Variants in UNC13A observed in about 807,000 individuals in gnomAD.
UNC13A encodes unc-13 homolog A.
UNC13A carries 61 observed loss-of-function variants against 219.7 expected under a neutral mutation model. That is an observed-to-expected ratio of 0.28 (90% CI 0.23 to 0.34). UNC13A has a LOEUF of 0.34. Among genes scored for constraint, UNC13A ranks in the 10% least tolerant of loss-of-function variants. The pLI, the probability that UNC13A is intolerant of heterozygous loss-of-function variation, is 1.00. For missense variants in UNC13A, 1,476 were observed against 2,270.3 expected (o/e 0.65, Z 7.11); for synonymous variants, 920 against 884.6 (o/e 1.04, Z -0.71).
chr19:17,653,821 C>CT lies in UNC13A; in HGVS notation c.1393-1145dup, dbSNP rs57243215. 1.8e-3 allele frequency among the ~76,000 whole-genome samples: 143 copies of CT among 78,188 alleles called. 2 individuals are homozygous for CT. Among genetic ancestry groups the CT allele is most frequent in the Admixed American group, 3.5e-3 (22 of 6,348 alleles). 51.3% of individuals were successfully genotyped at this position (78,188 alleles called of 152,430 possible). A position where few individuals can be genotyped will look rare whatever the true frequency, so the allele number is the denominator to read the frequency against. On this transcript the variant is annotated intron_variant, in intron 11 of 43. Transcript: ENST00000519716. ...AATAAATATTTTGGATATCACTTCTCTTTTTTTTTTTTTTTTTTTTTTTGA... is the reference window on the plus strand; with the variant it reads ...AATAAATATTTTGGATATCACTTCTCTTTTTTTTTTTTTTTTTTTTTTTTGA...
chr19:17,647,403 G>T lies in UNC13A; in HGVS notation c.1906C>A (p.Arg636Ser). The part of the protein sequence containing the change: ...VLKDRMKIRE[R>S]NKPEIFELIQ... ...AGCTCGAAGATCTCGGGCTTGTTGC[G>T]CTCCCGGATCTTCATGCGGTCCTTG... Residue 636 changes from arginine to serine, a missense_variant, in exon 17 of 44, where the codon CGC becomes AGC. Arg to Ser is a moderately radical substitution (Grantham distance 110, BLOSUM62 -1). Coordinates refer to ENST00000519716, the MANE Select transcript of UNC13A (RefSeq NM_001080421.3). 1 of 1,613,690 alleles carries T rather than the reference G, an allele frequency of 6.2e-7. No homozygotes were observed. The highest frequency in any genetic ancestry group is 8.5e-7 in the Non-Finnish European group (1 of 1,179,812).
chr19:17,680,739 A>G (rs2079991444), intron 1 of UNC13A, among the ~76,000 whole-genome samples: 1 of 151,130 alleles, frequency 6.6e-6, no homozygotes, highest in Non-Finnish European at 1.5e-5. Flanking sequence ...CATTTATACT[A>G]TTATTATTAT....
At chr19:17,654,392 T>C (rs568900481) in intron 11 of UNC13A, among the ~76,000 whole-genome samples, 1 of 152,330 alleles carries the variant, frequency 6.6e-6, no homozygotes, top group African/African-American at 2.4e-5. Flanking sequence ...ACCATATGTA[T>C]GTACTGCTGA....
intron 5 of UNC13A, among the ~76,000 whole-genome samples, chr19:17,668,611 C>T (rs369668636): frequency 2.0e-5 from 3 of 152,188 alleles, no homozygotes; most frequent in Admixed American, 6.6e-5. Context: ...CTCAGCCTCC[C>T]GAGTAGCTGG....
Position 17,642,913 on chromosome 19 carries a change from T to C in UNC13A, c.2404A>G (p.Ile802Val). The C allele has an allele frequency of 1.2e-6, 2 of 1,610,820 alleles. No individual in the cohort carries two copies. The highest frequency in any genetic ancestry group is 8.5e-7 in the Non-Finnish European group (1 of 1,178,572). Reference protein sequence around the residue: ...SAVSGAIRLHISVEIKGEEKV... With the variant: ...SAVSGAIRLHVSVEIKGEEKV... ...TCCTCGCCTTTGATCTCCACACTGA[T>C]GTGGAGCCGGATGGCACCCGACACG... Residue 802 changes from isoleucine (I) to valine (V), a missense_variant, in exon 20 of 44, where the codon ATC becomes GTC. By Grantham distance (29) the Ile-to-Val change is conservative. Transcript: ENST00000519716.
chr19:17,655,852 C>A, intron 10 of UNC13A, 31 bp downstream of exon 10: 1 of 1,488,182 alleles, frequency 6.7e-7, no homozygotes, highest in Non-Finnish European at 8.9e-7. Context: ...CTTGTGGCAG[C>A]CCCTCTGGCC....
In UNC13A at chr19:17,618,437, G is replaced by A; in HGVS notation, c.4394C>T (p.Ala1465Val). The A allele has an allele frequency of 6.3e-7, 1 of 1,583,968 alleles. No homozygotes were observed. The change falls in exon 40 of 44, where the codon GCC (alanine) becomes GTC (valine). Residue 1465 changes from alanine to valine, a missense_variant. By Grantham distance (64) the Ala-to-Val change is moderately conservative. Coordinates refer to ENST00000519716, the MANE Select transcript of UNC13A (RefSeq NM_001080421.3). ...TPKQCAVVELALDTIKQYFHA... is the reference protein window; with the variant it reads ...TPKQCAVVELVLDTIKQYFHA... ...GCCTCTCACCTTGATGGTGTCCAGG[G>A]CCAACTCAACAACCGCGCACTGCTT...
At chr19:17,669,832 C>CCTTCCTTCCCTCCCTCCCTCCCTG (rs2079744784) in intron 4 of UNC13A, among the ~76,000 whole-genome samples, 156 bp from the exon 5 acceptor site, 1 of 151,590 alleles carries the variant, frequency 6.6e-6, no homozygotes, top group African/African-American at 2.4e-5. Flanking sequence ...TCCTTCCCTT[C>CCTTCCTTCCCTCCCTCCCTCCCTG]CTTCCTTCCC....
intron 1 of UNC13A, among the ~76,000 whole-genome samples, chr19:17,687,307 C>A (rs570758819): frequency 1.1e-4 from 17 of 152,232 alleles, no homozygotes; most frequent in Middle Eastern, 6.8e-3. Flanking sequence ...TAGCTCCCCC[C>A]CCACCTCACG....
chr19:17,680,895 T>TC (rs1432634378), intron 1 of UNC13A, among the ~76,000 whole-genome samples: 4 of 98,600 alleles, frequency 4.1e-5, no homozygotes, highest in African/African-American at 1.7e-4. Context: ...TTTTCTTTTT[T>TC]TTTTTTTTTT....
intron 1 of UNC13A, among the ~76,000 whole-genome samples, chr19:17,686,821 G>A (rs1599427900): frequency 6.6e-6 from 1 of 151,948 alleles, no homozygotes; most frequent in Non-Finnish European, 1.5e-5. Context: ...TCGGCCGAGG[G>A]GGAGGGGAGG....
intron 36 of UNC13A, chr19:17,622,850 C>T (rs917076535): frequency 4.6e-5 from 7 of 152,298 alleles, no homozygotes; most frequent in Non-Finnish European, 8.8e-5. Context: ...GCCCCATTTT[C>T]CAGACAAGGA....
At position 17,632,775 on chromosome 19, in the gene UNC13A, G is replaced by A. The variant is rs1568514479; in HGVS notation, c.3428+7C>T. 1.2e-6 allele frequency: 2 copies of A among 1,613,594 alleles called. No homozygotes were observed. Among genetic ancestry groups the A allele is most frequent in the African/African-American group, 1.3e-5 (1 of 75,028 alleles). ...GGCTTGGGTTGGGCCTGGGGCAGGGGACTTACGCAGGGTACTCAGGCACGC... is the reference window on the plus strand; with the variant it reads ...GGCTTGGGTTGGGCCTGGGGCAGGGAACTTACGCAGGGTACTCAGGCACGC... On this transcript the variant is annotated splice_region_variant and intron_variant, in intron 28 of 43. Transcript: ENST00000519716.
intron 43 of UNC13A, 49 bp from the exon 44 acceptor site, chr19:17,606,403 C>A (rs1461131479): frequency 6.6e-7 from 1 of 1,525,612 alleles, no homozygotes; most frequent in South Asian, 1.2e-5. Context: ...TACTGTGATG[C>A]CCCGCCCACG....
chr19:17,644,055 C>T (rs987191780), intron 19 of UNC13A, among the ~76,000 whole-genome samples: 3 of 152,144 alleles, frequency 2.0e-5, no homozygotes, highest in African/African-American at 7.2e-5. Context: ...GGCTCATACA[C>T]CCTGCTTCCT....
At chr19:17,651,236 C>T (rs913082738) in intron 12 of UNC13A, among the ~76,000 whole-genome samples, 3 of 137,862 alleles carry the variant, frequency 2.2e-5, no homozygotes, top group Non-Finnish European at 3.1e-5. Context: ...CTGCACCCGG[C>T]CCACACATAG....
intron 9 of UNC13A, 26 bp from the exon 10 acceptor site, chr19:17,656,424 G>A (rs1273689165): frequency 3.4e-6 from 5 of 1,482,110 alleles, no homozygotes; most frequent in East Asian, 2.5e-5. Flanking sequence ...AGGGTTCAGG[G>A]ACTGGGGTAC....
intron 11 of UNC13A, among the ~76,000 whole-genome samples, chr19:17,654,560 C>T (rs1479582978): frequency 3.3e-5 from 5 of 152,204 alleles, no homozygotes. Context: ...AGCAACACAG[C>T]TGTCCCCAGC....
chr19:17,671,857 T>C (rs1017690585), intron 4 of UNC13A, among the ~76,000 whole-genome samples: 14 of 152,206 alleles, frequency 9.2e-5, no homozygotes, highest in African/African-American at 2.4e-4. Flanking sequence ...GGTTGTTACC[T>C]AGCACCTTCT....
Sources: allele counts gnomAD v4.1 joint callset (sites outside exome capture counted in the v4.1 genomes callset), GRCh38; gene constraint gnomAD v4.1.1; transcripts MANE v1.5; gene names NCBI Gene and HGNC (gene_info 2026-07-23, HGNC 2026-07-21).